NAALADL2: variants seen among roughly 807,000 people sequenced by gnomAD.
The protein encoded by NAALADL2 is N-acetylated alpha-linked acidic dipeptidase like 2, also known as inactive N-acetylated-alpha-linked acidic dipeptidase-like protein 2.
A neutral mutation model predicts 87.2 loss-of-function variants in NAALADL2; 76 were observed. That is an observed-to-expected ratio of 0.87 (90% CI 0.72 to 1.05). The LOEUF is 1.05. Ranked by LOEUF, NAALADL2 falls within the 50% of genes least tolerant of loss-of-function variation. NAALADL2 has a pLI of 0.00. For synonymous variants in NAALADL2, 354 were observed against 331.0 expected, an observed-to-expected ratio of 1.07 and a Z score of -0.75; for missense variants, 1,089 against 945.8, an observed-to-expected ratio of 1.15 and a Z score of -1.99.
chr3:175,555,465 C>G (rs1191293519), intron 9 of NAALADL2, among the ~76,000 whole-genome samples: 1 of 152,148 alleles, frequency 6.6e-6, no homozygotes, highest in East Asian at 1.9e-4. Context: ...CAAACCCGTA[C>G]ACTGTACCCT....
chr3:174,549,985 C>G lies in NAALADL2; in HGVS notation c.-183-584C>G, dbSNP rs140476803. Among the ~76,000 whole-genome samples, 766 of 151,756 alleles carry G rather than the reference C, an allele frequency of 5.0e-3. 3 individuals carry two copies. The highest frequency in any genetic ancestry group is 0.024 in the Middle Eastern group (7 of 292). ...CCCAAAACATTTGATAGAAATTGAA[C>G]TCTGTCAACAGTGTTATTTATACTA... On this transcript the variant is annotated intron_variant, in intron 1 of 3. Transcript: ENST00000434257.
Position 174,882,811 on chromosome 3 carries a change from G to GTATATATA in NAALADL2, c.43+23361_43+23362insTATATATA, listed in dbSNP as rs1560319764. On this transcript the variant is annotated intron_variant, in intron 1 of 13. Coordinates refer to ENST00000454872, the MANE Select transcript of NAALADL2 (RefSeq NM_207015.3). ...TGTATATATACACGTGTGTATATGT[G>GTATATATA]CATATGTGTATATATACACGTGTGT... Among the ~76,000 whole-genome samples, 144 of 91,758 alleles carry GTATATATA rather than the reference G, an allele frequency of 1.6e-3. 1 individual carries two copies. The highest frequency in any genetic ancestry group is 0.011 in the African/African-American group (138 of 13,098). 60.2% of individuals were successfully genotyped at this position (91,758 alleles called of 152,430 possible). A position where few individuals can be genotyped will look rare whatever the true frequency, so the allele number is the denominator to read the frequency against.
intron 5 of NAALADL2, among the ~76,000 whole-genome samples, chr3:175,343,756 T>C (rs540683097): frequency 6.7e-6 from 1 of 149,788 alleles, no homozygotes; most frequent in Admixed American, 6.8e-5. Flanking sequence ...ATATGCCATG[T>C]ATGCAGGGCA....
At chr3:175,778,594 C>A (rs1223824321) in intron 13 of NAALADL2, among the ~76,000 whole-genome samples, 1 of 152,162 alleles carries the variant, frequency 6.6e-6, no homozygotes, top group African/African-American at 2.4e-5. Flanking sequence ...CAAATAATAG[C>A]ATAAGTAACA....
chr3:175,504,188 A>G (rs1347746632), intron 9 of NAALADL2, among the ~76,000 whole-genome samples: 6 of 152,064 alleles, frequency 3.9e-5, no homozygotes, highest in African/African-American at 1.4e-4. Flanking sequence ...AGTCCTTTCT[A>G]TTGCTTGCTT....
At chr3:174,988,719 C>T (rs1036575982) in intron 1 of NAALADL2, among the ~76,000 whole-genome samples, 1 of 152,120 alleles carries the variant, frequency 6.6e-6, no homozygotes, top group Non-Finnish European at 1.5e-5. Context: ...CTCCTGTGTG[C>T]ATGTTTGTGT....
intron 10 of NAALADL2, among the ~76,000 whole-genome samples, chr3:175,616,650 C>T (rs966540722): frequency 7.2e-5 from 11 of 152,042 alleles, no homozygotes; most frequent in Non-Finnish European, 1.3e-4. Context: ...GCCTGGGGAC[C>T]CCTGGGCTTG....
Position 174,508,813 on chromosome 3 carries a change from C to T in NAALADL2, c.-183-41756C>T, listed in dbSNP as rs1376875333. Among the ~76,000 whole-genome samples, 3 of 152,070 alleles carry T rather than the reference C, an allele frequency of 2.0e-5. No homozygotes were observed. The East Asian group carries it at 5.8e-4, about 29-fold the overall frequency. ...CTGTAATCCTAGCACTTTGGGAGGC[C>T]GAGGTGGACGGATGTCTTTGAGCTC... On this transcript the variant is annotated intron_variant, in intron 1 of 3. Coordinates refer to the NAALADL2 transcript ENST00000434257.
chr3:175,739,298 A>C (rs1031933587), intron 12 of NAALADL2, among the ~76,000 whole-genome samples: 2 of 152,210 alleles, frequency 1.3e-5, no homozygotes, highest in East Asian at 3.8e-4. Flanking sequence ...ATTTGTGACG[A>C]TTCGGTTGTC....
chr3:175,502,228 G>GGT lies in NAALADL2; in HGVS notation c.1653+30497_1653+30498dup, dbSNP rs3040528. On this transcript the variant is annotated intron_variant, in intron 9 of 13. Transcript: ENST00000454872. Reference sequence around the variant, plus strand: ...AGATATTTGGCAAACCATTATCCTGGGTGTGTGTGTGTGTGTGTGTGTGTG... The same window carrying GGT: ...AGATATTTGGCAAACCATTATCCTGGGTGTGTGTGTGTGTGTGTGTGTGTGTG... Among the ~76,000 whole-genome samples the GGT allele has an allele frequency of 9.6e-3, 1,409 of 147,316 alleles. 7 individuals carry two copies. Among genetic ancestry groups the GGT allele is most frequent in the South Asian group, 0.023 (107 of 4,688 alleles).
chr3:174,550,012 G>A (rs1202067196), intron 1 of NAALADL2, among the ~76,000 whole-genome samples: 1 of 151,848 alleles, frequency 6.6e-6, no homozygotes, highest in Non-Finnish European at 1.5e-5. Flanking sequence ...TTTATACTAA[G>A]ATCAGGACAA....
At chr3:174,964,709 A>T (rs1414915425) in intron 1 of NAALADL2, among the ~76,000 whole-genome samples, 1 of 152,062 alleles carries the variant, frequency 6.6e-6, no homozygotes, top group Non-Finnish European at 1.5e-5. Flanking sequence ...ACAAGATGGC[A>T]GTCCTCAGTG....
intron 1 of NAALADL2, among the ~76,000 whole-genome samples, chr3:174,509,952 A>G (rs978770892): frequency 4.6e-5 from 7 of 152,138 alleles, no homozygotes; most frequent in Admixed American, 1.3e-4. Context: ...ATTTATCATG[A>G]ATAGGTGTCA....
intron 1 of NAALADL2, among the ~76,000 whole-genome samples, chr3:174,460,402 G>A (rs930168083): frequency 2.6e-5 from 4 of 151,656 alleles, no homozygotes; most frequent in Non-Finnish European, 5.9e-5. Flanking sequence ...TGATAGAAAA[G>A]TACAACTATT....
At chr3:174,740,782 A>G (rs931307873) in intron 3 of NAALADL2, among the ~76,000 whole-genome samples, 2 of 151,860 alleles carry the variant, frequency 1.3e-5, no homozygotes, top group African/African-American at 4.8e-5. Context: ...TAGAAATCAC[A>G]TATTAGTGAG....
rs1171279527 is a variant in NAALADL2, at chr3:175,592,159, T to C, written c.1800+15972T>C. On this transcript the variant is annotated intron_variant, in intron 10 of 13. Transcript: ENST00000454872. ...CATTTATAAAACTTTCTGGGTATAA[T>C]GGTATCTTTTTAATTCAGAATCTAG... Among the ~76,000 whole-genome samples the C allele has an allele frequency of 2.6e-5, 4 of 152,238 alleles. No homozygotes were observed. In the East Asian group the frequency reaches 7.7e-4, roughly 29 times the overall value.
intron 1 of NAALADL2, among the ~76,000 whole-genome samples, chr3:174,952,955 G>C (rs1740603327): frequency 6.6e-6 from 1 of 151,942 alleles, no homozygotes. Context: ...CATCATATTA[G>C]AAATGAGCTA....
At chr3:174,538,740 A>C (rs1452503690) in intron 1 of NAALADL2, among the ~76,000 whole-genome samples, 3 of 152,074 alleles carry the variant, frequency 2.0e-5, no homozygotes, top group Non-Finnish European at 2.9e-5. Flanking sequence ...CTTAATCCAG[A>C]CCTTCCCTTC....
chr3:174,460,489 T>G (rs1233734402), intron 1 of NAALADL2, among the ~76,000 whole-genome samples: 1 of 152,066 alleles, frequency 6.6e-6, no homozygotes. Flanking sequence ...CACTATAGAT[T>G]CAGAAAGCTT....
Sources: gnomAD v4.1 joint callset for allele counts (sites outside exome capture counted in the v4.1 genomes callset) on GRCh38, gnomAD v4.1.1 for gene constraint, MANE v1.5 for transcripts, NCBI Gene and HGNC (gene_info 2026-07-23, HGNC 2026-07-21) for gene names.